The following NFATC3 variants were observed in gnomAD, a reference collection of about 807,000 sequenced individuals.
NFATC3 encodes the protein nuclear factor of activated T-cells, cytoplasmic 3.
In NFATC3, 46 loss-of-function variants were observed where a neutral mutation model predicts 98.6. The observed-to-expected ratio is 0.47, with a 90% CI of 0.37 to 0.60. The LOEUF is 0.60. Ranked by LOEUF, NFATC3 falls within the 20% of genes least tolerant of loss-of-function variation. The pLI is 0.00. For synonymous variants in NFATC3, 512 were observed against 472.2 expected (o/e 1.08, Z -1.09); for missense variants, 1,256 against 1,295.5 (o/e 0.97, Z 0.47).
chr16:68,190,175 T>G (rs907383239), intron 8 of NFATC3, among the ~76,000 whole-genome samples: 1 of 152,248 alleles, frequency 6.6e-6, no homozygotes, highest in Admixed American at 6.5e-5. Context: ...TTAGTTTTTT[T>G]GTGGATTTTA....
chr16:68,196,214 G>A (rs916514106), intron 9 of NFATC3, among the ~76,000 whole-genome samples: 3 of 151,804 alleles, frequency 2.0e-5, no homozygotes, highest in Non-Finnish European at 4.4e-5. Flanking sequence ...CTACCTACCA[G>A]GTTCAAGAGG....
Position 68,226,406 on chromosome 16 carries a change from G to A in NFATC3, c.3163G>A (p.Val1055Met), listed in dbSNP as rs1349391816. The change falls in exon 10 of 10, where the codon GTG (valine) becomes ATG (methionine). Residue 1055 changes from valine to methionine, a missense_variant. Physicochemically the swap from Val to Met is conservative, Grantham distance 21. This residue lies in a region of NFATC3 where 636 missense variants were observed against 617.3 expected (regional missense o/e 1.03). Transcript: ENST00000346183. ...GATTTCTGTTTCCCAAGGAGCAGGG[G>A]TGAGCAGGCAGGCTCCCCTCCCGAG... ...SQISVSQGAG[V>M]SRQAPLPSPE... is the part of the protein sequence containing the mutation. 5 of 1,572,916 alleles carry A rather than the reference G, an allele frequency of 3.2e-6. No individual in the cohort carries two copies. The highest frequency in any genetic ancestry group is 1.9e-5 in the Admixed American group (1 of 51,664).
chr16:68,199,562 C>A (rs951905600), intron 9 of NFATC3, among the ~76,000 whole-genome samples: 1 of 139,402 alleles, frequency 7.2e-6, no homozygotes, highest in Non-Finnish European at 1.6e-5. Context: ...AAGTATTATT[C>A]TCAGTATTAG....
chr16:68,179,356 T>C (rs2039859725), intron 6 of NFATC3, among the ~76,000 whole-genome samples: 1 of 152,254 alleles, frequency 6.6e-6, no homozygotes, highest in African/African-American at 2.4e-5. Flanking sequence ...GTCTCAGTTA[T>C]CTCAGTAACA....
chr16:68,115,738 TG>T (rs202134884), intron 1 of NFATC3, among the ~76,000 whole-genome samples: 2 of 152,072 alleles, frequency 1.3e-5, no homozygotes, highest in Non-Finnish European at 2.9e-5. Flanking sequence ...TGTTTTTTTT[TG>T]TTGTTGTTGT....
intron 9 of NFATC3, among the ~76,000 whole-genome samples, chr16:68,211,129 G>A (rs563518321): frequency 6.6e-6 from 1 of 152,034 alleles, no homozygotes; most frequent in South Asian, 2.1e-4. Context: ...CTCATAATGA[G>A]TTAGGAAGTG....
intron 9 of NFATC3, among the ~76,000 whole-genome samples, chr16:68,220,247 G>A (rs2041809629): frequency 6.6e-6 from 1 of 152,160 alleles, no homozygotes. Context: ...ATGAGGGCTG[G>A]GTGCGGTGAC....
chr16:68,156,730 A>G (rs952600215), intron 3 of NFATC3, among the ~76,000 whole-genome samples: 3 of 152,162 alleles, frequency 2.0e-5, no homozygotes, highest in African/African-American at 7.2e-5. Flanking sequence ...ACCTGAGGTC[A>G]GGAGTTCAGA....
chr16:68,171,398 C>T (rs1045606905), intron 5 of NFATC3, among the ~76,000 whole-genome samples: 4 of 152,058 alleles, frequency 2.6e-5, no homozygotes, highest in African/African-American at 9.7e-5. Flanking sequence ...ACAGTAGAGA[C>T]ATGAGTATTT....
intron 3 of NFATC3, among the ~76,000 whole-genome samples, chr16:68,127,582 A>G (rs1598408934): frequency 6.6e-6 from 1 of 151,914 alleles, no homozygotes; most frequent in Middle Eastern, 3.4e-3. Context: ...CAGCCATTCC[A>G]GAGGCTAAGA....
chr16:68,144,508 T>C (rs2037930621), intron 3 of NFATC3, among the ~76,000 whole-genome samples: 1 of 152,134 alleles, frequency 6.6e-6, no homozygotes, highest in Non-Finnish European at 1.5e-5. Context: ...ATCATTATCA[T>C]CATCATTATT....
chr16:68,214,388 C>T (rs758198138), intron 9 of NFATC3: 5 of 1,614,030 alleles, frequency 3.1e-6, no homozygotes, highest in Non-Finnish European at 3.4e-6. Context: ...ATGGCCTAAC[C>T]ACAGTGTGCT....
At chr16:68,090,291 C>T (rs1423705505) in intron 1 of NFATC3, among the ~76,000 whole-genome samples, 4 of 75,544 alleles carry the variant, frequency 5.3e-5, no homozygotes, top group Middle Eastern at 4.9e-3. Context: ...TTTTTAAACA[C>T]GCAACCCCCC....
chr16:68,131,650 C>CTTT (rs78084781), intron 3 of NFATC3, among the ~76,000 whole-genome samples: 4 of 138,372 alleles, frequency 2.9e-5, no homozygotes, highest in African/African-American at 1.1e-4. Flanking sequence ...AATCAAGGTA[C>CTTT]TTTTTTTTTT....
intron 9 of NFATC3, among the ~76,000 whole-genome samples, chr16:68,207,039 G>A (rs894058593): frequency 2.4e-4 from 37 of 151,162 alleles, no homozygotes; most frequent in African/African-American, 8.2e-4. Context: ...GACAGGGCTC[G>A]GTGGCTCACG....
Position 68,124,087 on chromosome 16 carries a change from A to G in NFATC3, c.1238+966A>G, listed in dbSNP as rs528636682. On this transcript the variant is annotated intron_variant, in intron 2 of 9. Coordinates refer to ENST00000346183, the MANE Select transcript of NFATC3 (RefSeq NM_173165.3). Reference sequence around the variant, plus strand: ...CAACTTTTATGTATTAAATTCCCACATGGAGTTGTGCCTGTTAGGATTTTT... The same window carrying G: ...CAACTTTTATGTATTAAATTCCCACGTGGAGTTGTGCCTGTTAGGATTTTT... Among the ~76,000 whole-genome samples, 30 of 151,968 alleles carry G rather than the reference A, an allele frequency of 2.0e-4. 2 individuals carry two copies. The South Asian group carries it at 5.2e-3, about 26-fold the overall frequency.
At chr16:68,167,271 T>C (rs751420035) in intron 5 of NFATC3, among the ~76,000 whole-genome samples, 6 of 152,162 alleles carry the variant, frequency 3.9e-5, no homozygotes, top group Non-Finnish European at 8.8e-5. Context: ...ACCACAGTTT[T>C]CTTGTCTGTA....
rs2036626787 is a variant in NFATC3, at chr16:68,122,749, C to T, written c.866C>T (p.Pro289Leu). The change falls in exon 2 of 10, where the codon CCC becomes CTC. Residue 289 changes from proline (P) to leucine (L), a missense_variant. Pro to Leu is a moderately conservative substitution (Grantham distance 98, BLOSUM62 -3). Around this residue, in one of 3 missense-constraint regions of NFATC3, gnomAD observed 464 missense variants for 465.7 expected, o/e 1.00. Coordinates refer to ENST00000346183, the MANE Select transcript of NFATC3 (RefSeq NM_173165.3). ...GTTTGTTATGCTGGGTCCCTTTCAC[C>T]CCATCACTCACCTGTTCCTTCACCT... ...AEVCYAGSLS[P>L]HHSPVPSPGH... The T allele has an allele frequency of 6.2e-7, 1 of 1,614,102 alleles. No homozygotes were observed. The highest frequency in any genetic ancestry group is 8.5e-7 in the Non-Finnish European group (1 of 1,180,052).
At position 68,122,139 on chromosome 16, in the gene NFATC3, T is replaced by C. The variant is rs2036613106; in HGVS notation, c.256T>C (p.Tyr86His). The C allele has an allele frequency of 6.2e-7, 1 of 1,614,156 alleles. No homozygotes were observed. The highest frequency in any genetic ancestry group is 1.6e-4 in the Middle Eastern group (1 of 6,062). Reference protein sequence around the residue: ...PSFQLQSHKNYEGTCEIPESK... With the variant: ...PSFQLQSHKNHEGTCEIPESK... ...GTTTCAGCTCCAAAGTCACAAAAAC[T>C]ATGAAGGAACTTGTGAGATTCCTGA... The change falls in exon 2 of 10, where the codon TAT (tyrosine) becomes CAT (histidine). Residue 86 changes from tyrosine (Y) to histidine (H), a missense_variant. Physicochemically the swap from Tyr to His is moderately conservative, Grantham distance 83. This residue lies in a region of NFATC3 where 464 missense variants were observed against 465.7 expected (regional missense o/e 1.00). Transcript: ENST00000346183.
Sources: allele counts gnomAD v4.1 joint callset (sites outside exome capture counted in the v4.1 genomes callset), GRCh38; gene constraint gnomAD v4.1.1; regional missense constraint gnomAD v4.1.1; transcripts MANE v1.5; gene names NCBI Gene and HGNC (gene_info 2026-07-23, HGNC 2026-07-21).